The following SPAG16 variants were observed in gnomAD, a reference collection of about 807,000 sequenced individuals.
SPAG16 encodes the protein sperm associated antigen 16, also known as sperm-associated antigen 16 protein.
SPAG16 carries 86 observed loss-of-function variants against 80.4 expected under a neutral mutation model. The observed-to-expected ratio is 1.07, with a 90% CI of 0.90 to 1.28. The LOEUF (loss-of-function observed/expected upper bound fraction) is 1.28, where lower values mean the gene tolerates loss of function less well. Ranked by LOEUF, SPAG16 falls within the 50% of genes most tolerant of loss-of-function variation. The pLI is 0.00. For synonymous variants in SPAG16, 294 were observed against 265.9 expected (o/e 1.11, Z -1.03); for missense variants, 870 against 765.3 (o/e 1.14, Z -1.61).
At chr2:214,075,276 T>C (rs1286128519) in intron 13 of SPAG16, among the ~76,000 whole-genome samples, 1 of 152,044 alleles carries the variant, frequency 6.6e-6, no homozygotes, top group Admixed American at 6.6e-5. Flanking sequence ...TGTGGCCCAT[T>C]TAATAAATCC....
intron 9 of SPAG16, among the ~76,000 whole-genome samples, chr2:213,453,497 G>A (rs2071821899): frequency 6.6e-6 from 1 of 152,198 alleles, no homozygotes; most frequent in Admixed American, 6.5e-5. Flanking sequence ...AGTTTAAGCA[G>A]TTTAATTATA....
At chr2:213,693,822 G>T (rs924830035) in intron 10 of SPAG16, among the ~76,000 whole-genome samples, 1 of 152,100 alleles carries the variant, frequency 6.6e-6, no homozygotes, top group Non-Finnish European at 1.5e-5. Flanking sequence ...TATGGGGCCT[G>T]GAACATGGTG....
intron 13 of SPAG16, among the ~76,000 whole-genome samples, chr2:214,042,007 T>TATATATACACAC (rs1371293247): frequency 4.0e-5 from 4 of 101,224 alleles, no homozygotes; most frequent in Non-Finnish European, 5.7e-5. Context: ...TATATATATA[T>TATATATACACAC]ACACACACAC....
intron 12 of SPAG16, among the ~76,000 whole-genome samples, chr2:213,954,315 A>G (rs2044008654): frequency 6.6e-6 from 1 of 152,048 alleles, no homozygotes; most frequent in African/African-American, 2.4e-5. Flanking sequence ...TTTCTTTTAT[A>G]TTTTGAAAGT....
In SPAG16 at chr2:214,103,093, C is replaced by T. The variant is rs988249835; in HGVS notation, c.1528-5103C>T. 6.6e-5 allele frequency among the ~76,000 whole-genome samples: 10 copies of T among 152,092 alleles called. No individual in the cohort carries two copies. In the East Asian group the frequency reaches 1.9e-3, roughly 29 times the overall value. ...GCCCATCTGAGGTTTTTTCCTTTCT[C>T]CAGTGGCATGTGCCCCCCAGAATGT... On this transcript the variant is annotated intron_variant, in intron 13 of 15. Transcript: ENST00000331683.
intron 14 of SPAG16, among the ~76,000 whole-genome samples, chr2:214,112,227 C>T (rs892284586): frequency 1.4e-4 from 21 of 152,076 alleles, no homozygotes; most frequent in African/African-American, 5.1e-4. Context: ...TGCTTTACTT[C>T]CAATTATGTG....
intron 15 of SPAG16, among the ~76,000 whole-genome samples, chr2:214,334,581 T>C (rs1252801082): frequency 6.6e-6 from 1 of 152,182 alleles, no homozygotes; most frequent in Non-Finnish European, 1.5e-5. Flanking sequence ...GAAAATATCA[T>C]AGGTTGTCAA....
chr2:214,188,353 C>T (rs1576452884), intron 15 of SPAG16, among the ~76,000 whole-genome samples: 1 of 152,130 alleles, frequency 6.6e-6, no homozygotes, highest in East Asian at 1.9e-4. Context: ...AAGCAAGTAC[C>T]ATTTGCCAAG....
chr2:213,889,349 A>G (rs79630471), intron 11 of SPAG16, among the ~76,000 whole-genome samples: 2,479 of 151,990 alleles, frequency 0.016, 33 homozygotes, highest in Non-Finnish European at 0.024. Context: ...AAAATCTTAC[A>G]AGAATTATCT....
Position 213,324,371 on chromosome 2 carries a change from C to T in SPAG16, c.536+7015C>T, listed in dbSNP as rs78521149. ...GGATAAACTCTTAAACATCCACATT[C>T]ATCTCAAGGTAGAACATTTTTATCT... is the stretch of plus-strand genomic sequence containing the variant. On this transcript the variant is annotated intron_variant, in intron 5 of 15. Transcript: ENST00000331683. Among the ~76,000 whole-genome samples the T allele has an allele frequency of 4.4e-3, 664 of 152,226 alleles. 4 individuals are homozygous for T. The highest frequency in any genetic ancestry group is 0.015 in the African/African-American group (610 of 41,556).
At chr2:214,396,929 T>C (rs976096132) in intron 15 of SPAG16, among the ~76,000 whole-genome samples, 7 of 151,974 alleles carry the variant, frequency 4.6e-5, no homozygotes, top group African/African-American at 1.7e-4. Flanking sequence ...TTAGCTTTTT[T>C]CCTAAAAATA....
At chr2:213,851,753 A>G (rs549547436) in intron 10 of SPAG16, among the ~76,000 whole-genome samples, 7 of 152,222 alleles carry the variant, frequency 4.6e-5, no homozygotes, top group Non-Finnish European at 1.0e-4. Flanking sequence ...ACATTGAACA[A>G]GAAAAGAAAA....
chr2:213,358,748 G>A (rs1251985468), intron 7 of SPAG16, among the ~76,000 whole-genome samples: 3 of 152,148 alleles, frequency 2.0e-5, no homozygotes, highest in Non-Finnish European at 4.4e-5. Context: ...ACCTTCTGAA[G>A]CCTACTTTTG....
chr2:213,794,599 ATGT>A (rs1335553079), intron 10 of SPAG16, among the ~76,000 whole-genome samples: 1 of 152,142 alleles, frequency 6.6e-6, no homozygotes, highest in African/African-American at 2.4e-5. Flanking sequence ...GGGACAAAAA[ATGT>A]TGTTGGACTG....
At chr2:214,081,565 C>T (rs1324247594) in intron 13 of SPAG16, among the ~76,000 whole-genome samples, 2 of 152,216 alleles carry the variant, frequency 1.3e-5, no homozygotes, top group Non-Finnish European at 1.5e-5. Flanking sequence ...CCGTCAAGGA[C>T]TGCCAGCCGT....
At chr2:214,041,758 A>T (rs2049019645) in intron 13 of SPAG16, among the ~76,000 whole-genome samples, 1 of 151,592 alleles carries the variant, frequency 6.6e-6, no homozygotes, top group Non-Finnish European at 1.5e-5. Context: ...TTTCCCTGTG[A>T]TCACTGCTCT....
At chr2:214,153,309 A>G (rs2056067243) in intron 15 of SPAG16, among the ~76,000 whole-genome samples, 1 of 151,992 alleles carries the variant, frequency 6.6e-6, no homozygotes, top group African/African-American at 2.4e-5. Flanking sequence ...CTCAGCTCCT[A>G]TCTCTGTATG....
At chr2:213,316,407 A>C (rs2063402034) in intron 4 of SPAG16, among the ~76,000 whole-genome samples, 2 of 152,052 alleles carry the variant, frequency 1.3e-5, no homozygotes, top group Admixed American at 1.3e-4. Context: ...TGACTACTGC[A>C]ATAGCCTGCT....
At chr2:213,477,074 C>T (rs751727596) in intron 9 of SPAG16, among the ~76,000 whole-genome samples, 1 of 151,408 alleles carries the variant, frequency 6.6e-6, no homozygotes, top group Non-Finnish European at 1.5e-5. Context: ...TGGGTGGGCT[C>T]GAAAAAGGCA....
Sources: allele counts gnomAD v4.1 joint callset (sites outside exome capture counted in the v4.1 genomes callset), GRCh38; gene constraint gnomAD v4.1.1; transcripts MANE v1.5; gene names NCBI Gene and HGNC (gene_info 2026-07-23, HGNC 2026-07-21).